Variants in IGSF10 observed in about 807,000 individuals in gnomAD.
IGSF10 encodes calvaria mechanical force protein 608.
Under a neutral mutation model 128.2 loss-of-function variants are expected in IGSF10, and 126 were observed. The observed-to-expected ratio is 0.98, with a 90% CI of 0.85 to 1.14. The LOEUF is 1.14. IGSF10 is among the 50% of genes most tolerant of loss of function. The pLI, the probability that IGSF10 is intolerant of heterozygous loss-of-function variation, is 0.00. For synonymous variants in IGSF10, 1,185 were observed against 1,146.2 expected (o/e 1.03, Z -0.68); for missense variants, 3,295 against 3,149.8 (o/e 1.05, Z -1.10).
At position 151,453,431 on chromosome 3, in the gene IGSF10, C is replaced by G; in HGVS notation, c.668G>C (p.Cys223Ser). Residue 223 changes from cysteine to serine, a missense_variant, in exon 5 of 8, where the codon TGT (cysteine) becomes TCT (serine). Cys to Ser is a moderately radical substitution (Grantham distance 112, BLOSUM62 -1). Transcript: ENST00000282466. Reference sequence around the variant, plus strand: ...AGACAACCACTTTAAATGGCAATCACAGGTCCATGGGTTTCCATGCAGGTA... The same window carrying G: ...AGACAACCACTTTAAATGGCAATCAGAGGTCCATGGGTTTCCATGCAGGTA... ...SLYLHGNPWTCDCHLKWLSDW... is the reference protein window; with the variant it reads ...SLYLHGNPWTSDCHLKWLSDW... 1 of 1,610,746 alleles carries G rather than the reference C, an allele frequency of 6.2e-7. No homozygotes were observed. The highest frequency in any genetic ancestry group is 8.5e-7 in the Non-Finnish European group (1 of 1,179,166).
At chr3:151,613,922 C>G in the IGSF10 span, among the ~76,000 whole-genome samples, 1 of 152,206 alleles carries the variant, frequency 6.6e-6, no homozygotes, top group Non-Finnish European at 1.5e-5. Context: ...TTGCAACCTA[C>G]TCATCTGACA....
At chr3:151,493,764 T>C in the IGSF10 span, among the ~76,000 whole-genome samples, 1 of 152,116 alleles carries the variant, frequency 6.6e-6, no homozygotes, top group Non-Finnish European at 1.5e-5. Context: ...CACATGACTG[T>C]ATATGTATCC....
chr3:151,495,265 C>T, the IGSF10 span, among the ~76,000 whole-genome samples: 1 of 152,138 alleles, frequency 6.6e-6, no homozygotes, highest in East Asian at 1.9e-4. Context: ...GAATGGGAAA[C>T]TTCCTGTGCT....
chr3:151,463,522 G>GTTTTTTTTTTTTTTTTTTTTTTTTTTTT (rs1553837055), upstream of IGSF10, among the ~76,000 whole-genome samples: 1 of 31,870 alleles, frequency 3.1e-5, no homozygotes. Context: ...TACATTTTCT[G>GTTTTTTTTTTTTTTTTTTTTTTTTTTTT]GTTTTTTTTT....
chr3:151,472,486 C>T, the IGSF10 span, among the ~76,000 whole-genome samples: 4 of 152,178 alleles, frequency 2.6e-5, no homozygotes, highest in South Asian at 8.3e-4. Flanking sequence ...ATTGTCCCTA[C>T]CACCCTCACT....
intron 5 of IGSF10, among the ~76,000 whole-genome samples, chr3:151,449,775 T>C (rs781069000): frequency 2.0e-5 from 3 of 152,330 alleles, no homozygotes; most frequent in Non-Finnish European, 4.4e-5. Flanking sequence ...CAAAAGAATA[T>C]TGACTGAATT....
the IGSF10 span, among the ~76,000 whole-genome samples, chr3:151,545,341 C>T: frequency 1.1e-3 from 172 of 152,302 alleles, no homozygotes; most frequent in South Asian, 4.6e-3. Flanking sequence ...AATAAGGCAG[C>T]AAGGTGCTCT....
At chr3:151,456,220 T>C (rs937262695) in intron 4 of IGSF10, among the ~76,000 whole-genome samples, 8 of 152,238 alleles carry the variant, frequency 5.3e-5, no homozygotes, top group South Asian at 2.1e-4. Context: ...GCTCTCACCA[T>C]GGTTATAACC....
the IGSF10 span, among the ~76,000 whole-genome samples, chr3:151,571,977 T>A: frequency 6.6e-6 from 1 of 152,346 alleles, no homozygotes; most frequent in Non-Finnish European, 1.5e-5. Flanking sequence ...ATTGAGATAA[T>A]CATGTGGTTT....
rs767175200 is a variant in IGSF10, at chr3:151,437,505, T to C, written c.7056A>G (p.Gly2352=). Residue 2352 remains glycine (G), a synonymous_variant, in exon 8 of 8, where the codon GGA becomes GGG. Transcript: ENST00000282466. ...PFNEKIVAQL[G]KSTALNCSVD... Reference sequence around the variant, plus strand: ...CAGAGCAATTCAATGCTGTGGACTTTCCCAGCTGGGCAACTATTTTTTCAT... The same window carrying C: ...CAGAGCAATTCAATGCTGTGGACTTCCCCAGCTGGGCAACTATTTTTTCAT... The C allele has an allele frequency of 1.2e-6, 2 of 1,614,188 alleles. No homozygotes were observed. The highest frequency in any genetic ancestry group is 3.3e-5 in the Admixed American group (2 of 60,030).
chr3:151,566,428 G>A, the IGSF10 span, among the ~76,000 whole-genome samples: 1 of 152,262 alleles, frequency 6.6e-6, no homozygotes, highest in East Asian at 1.9e-4. Flanking sequence ...GTTGTGTTAT[G>A]CTATAACAAA....
intron 4 of IGSF10, among the ~76,000 whole-genome samples, chr3:151,454,019 C>CTT (rs142736294): frequency 7.9e-6 from 1 of 126,664 alleles, no homozygotes; most frequent in Non-Finnish European, 1.7e-5. Context: ...TTTTCTTTTT[C>CTT]TTTTTTTTTT....
At chr3:151,506,066 C>T in the IGSF10 span, among the ~76,000 whole-genome samples, 1 of 152,104 alleles carries the variant, frequency 6.6e-6, no homozygotes, top group Non-Finnish European at 1.5e-5. Flanking sequence ...ATTCTCCTGC[C>T]TCAGCCTCCC....
chr3:151,525,325 G>A, the IGSF10 span, among the ~76,000 whole-genome samples: 2 of 152,110 alleles, frequency 1.3e-5, no homozygotes, highest in Admixed American at 6.6e-5. Context: ...TTTAATTCCA[G>A]TTTAGTTGCC....
At chr3:151,462,826 G>A (rs775640467), upstream of IGSF10, among the ~76,000 whole-genome samples, 25 of 152,146 alleles carry the variant, frequency 1.6e-4, no homozygotes, top group Non-Finnish European at 3.4e-4. Flanking sequence ...CTTTAGCTCT[G>A]CAGAGCTGAC....
In IGSF10 at chr3:151,448,198, AT is replaced by A. The variant is rs564636758; in HGVS notation, c.1782del (p.Cys595AlafsTer31). The A allele has an allele frequency of 2.9e-4, 463 of 1,614,260 alleles. 7 individuals carry two copies. The South Asian group carries it at 4.9e-3, about 17-fold the overall frequency. ...TVFIGETLDL[P>X]CHSTGIPDAS... is the part of the protein sequence containing the mutation. ...GCATCTGGGATACCAGTAGAATGGCATGGAAGATCAAGTGTTTCACCAATGA... is the reference window on the plus strand; with the variant it reads ...GCATCTGGGATACCAGTAGAATGGCAGGAAGATCAAGTGTTTCACCAATGA... On this transcript the variant is annotated frameshift_variant, in exon 6 of 8. Coordinates refer to ENST00000282466, the MANE Select transcript of IGSF10 (RefSeq NM_178822.5). LOFTEE classifies it high-confidence loss of function.
rs1560166585 is a variant in IGSF10 at position 151,436,305 on chromosome 3, G to A, written c.*384C>T. The A allele has an allele frequency of 6.0e-6, 1 of 165,420 alleles. No homozygotes were observed. Among genetic ancestry groups the A allele is most frequent in the Admixed American group, 5.7e-5 (1 of 17,600 alleles). The allele number at this position is 165,420 out of a possible 1,614,324, so 10.2% of individuals were successfully genotyped here. On this transcript the variant is annotated 3_prime_UTR_variant, in exon 8 of 8. Transcript: ENST00000282466. ...GATTGCAGATTTAATATTTTCCATTGTCTCTGTTCTGAGTGCCATGCTTGT... is the reference window on the plus strand; with the variant it reads ...GATTGCAGATTTAATATTTTCCATTATCTCTGTTCTGAGTGCCATGCTTGT...
the IGSF10 span, among the ~76,000 whole-genome samples, chr3:151,505,754 T>C: frequency 6.6e-6 from 1 of 152,206 alleles, no homozygotes; most frequent in Admixed American, 6.5e-5. Flanking sequence ...GAAGTTTCTA[T>C]AAATTTTCCG....
chr3:151,521,209 C>G, the IGSF10 span, among the ~76,000 whole-genome samples: 1 of 151,844 alleles, frequency 6.6e-6, no homozygotes, highest in Non-Finnish European at 1.5e-5. Flanking sequence ...CAGGAGCACC[C>G]AGATTCATAA....
Sources: allele counts gnomAD v4.1 joint callset (sites outside exome capture counted in the v4.1 genomes callset), GRCh38; gene constraint gnomAD v4.1.1; transcripts MANE v1.5; gene names NCBI Gene and HGNC (gene_info 2026-07-23, HGNC 2026-07-21).